Variants in SLC12A6 observed in about 807,000 individuals in gnomAD.
SLC12A6 encodes the protein K-Cl cotransporter 3.
A neutral mutation model predicts 135.3 loss-of-function variants in SLC12A6; 66 were observed. That is an observed-to-expected ratio of 0.49 (90% CI 0.40 to 0.60). The LOEUF (loss-of-function observed/expected upper bound fraction) is 0.60. Among genes scored for constraint, SLC12A6 ranks in the 20% least tolerant of loss-of-function variants. The pLI is 0.00. For missense variants in SLC12A6, 1,058 were observed against 1,452.3 expected (o/e 0.73, Z 4.41); for synonymous variants, 513 against 508.8 (o/e 1.01, Z -0.11).
At chr15:34,315,501 A>T (rs758259694) in intron 2 of SLC12A6, among the ~76,000 whole-genome samples, 3 of 152,148 alleles carry the variant, frequency 2.0e-5, no homozygotes, top group Non-Finnish European at 4.4e-5. Flanking sequence ...GCAGGAGGGG[A>T]GGATCGCTTG....
rs1226514998 is a variant in SLC12A6, at chr15:34,233,756, G to T, written c.*125C>A. On this transcript the variant is annotated 3_prime_UTR_variant, in exon 26 of 26. Coordinates refer to ENST00000354181, the MANE Select transcript of SLC12A6 (RefSeq NM_001365088.1). ...GTACTTGAGGCTCAGCTCATCAAGA[G>T]TTCAGTATGATGTGTACAGAACACA... is the stretch of plus-strand genomic sequence containing the variant. 5 of 715,102 alleles carry T rather than the reference G, an allele frequency of 7.0e-6. No individual in the cohort carries two copies. The highest frequency in any genetic ancestry group is 1.3e-5 in the Non-Finnish European group (5 of 383,406). 44.3% of individuals were successfully genotyped at this position (715,102 alleles called of 1,614,324 possible). A position where few individuals can be genotyped will look rare whatever the true frequency, so the allele number is the denominator to read the frequency against.
intron 2 of SLC12A6, among the ~76,000 whole-genome samples, chr15:34,293,255 A>G (rs111530095): frequency 3.9e-5 from 6 of 152,254 alleles, no homozygotes; most frequent in African/African-American, 1.4e-4. Context: ...AATGTAGTAA[A>G]AGTAATTCTA....
At chr15:34,330,342 T>C (rs1889753202) in intron 2 of SLC12A6, among the ~76,000 whole-genome samples, 1 of 152,204 alleles carries the variant, frequency 6.6e-6, no homozygotes, top group Non-Finnish European at 1.5e-5. Flanking sequence ...AAGTTTAATC[T>C]GGCTACAGAG....
intron 2 of SLC12A6, among the ~76,000 whole-genome samples, chr15:34,283,444 T>C (rs1374255816): frequency 6.6e-6 from 1 of 152,114 alleles, no homozygotes; most frequent in African/African-American, 2.4e-5. Flanking sequence ...AGGCTATTTT[T>C]TATTGGGTGG....
chr15:34,236,168 A>G lies in SLC12A6; in HGVS notation c.3074T>C (p.Leu1025Pro), dbSNP rs1439916112. ...AQLVKDRNSM[L>P]RLTSIGSDED... ...ATCAGAGCCAATGCTGGTCAATCGT[A>G]GCATTGAGTTTCGGTCTTTCACCAA... Residue 1025 changes from leucine (L) to proline (P), a missense_variant, in exon 24 of 26, where the codon CTA (leucine) becomes CCA (proline). Coordinates refer to ENST00000354181, the MANE Select transcript of SLC12A6 (RefSeq NM_001365088.1). The G allele has an allele frequency of 3.1e-6, 5 of 1,613,912 alleles. No homozygotes were observed. The highest frequency in any genetic ancestry group is 4.2e-6 in the Non-Finnish European group (5 of 1,179,902).
chr15:34,238,493 T>C, intron 20 of SLC12A6, 92 bp from the exon 21 acceptor site: 1 of 974,176 alleles, frequency 1.0e-6, no homozygotes, highest in East Asian at 2.5e-5. Flanking sequence ...CTTTTCACAC[T>C]TCTTTGAGCA....
intron 3 of SLC12A6, among the ~76,000 whole-genome samples, chr15:34,273,495 T>C (rs1396532906): frequency 6.6e-6 from 1 of 152,206 alleles, no homozygotes; most frequent in African/African-American, 2.4e-5. Flanking sequence ...TTTCAGCATA[T>C]AAACTCACTA....
intron 2 of SLC12A6, chr15:34,318,772 T>A: frequency 3.8e-6 from 6 of 1,589,184 alleles, no homozygotes; most frequent in Non-Finnish European, 5.1e-6. Context: ...CGTTTCAGAC[T>A]GTGATCCCTG....
chr15:34,275,253 G>T, intron 3 of SLC12A6, 92 bp downstream of exon 3: 1 of 720,182 alleles, frequency 1.4e-6, no homozygotes, highest in Non-Finnish European at 2.5e-6. Flanking sequence ...GGAGGGGATA[G>T]AAAATAGAAT....
chr15:34,260,464 C>G (rs1359396814), intron 4 of SLC12A6, among the ~76,000 whole-genome samples: 1 of 152,186 alleles, frequency 6.6e-6, no homozygotes, highest in African/African-American at 2.4e-5. Flanking sequence ...TTCACCGTGT[C>G]AGCCAGGATG....
At chr15:34,252,420 G>C in intron 9 of SLC12A6, 36 bp from the exon 10 acceptor site, 1 of 1,255,142 alleles carries the variant, frequency 8.0e-7, no homozygotes, top group Non-Finnish European at 1.2e-6. Context: ...GATCAAGTAA[G>C]GAAAAAAAGT....
Position 34,252,352 on chromosome 15 carries a change from G to A in SLC12A6, c.1151C>T (p.Ser384Leu). The A allele has an allele frequency of 2.5e-6, 4 of 1,612,252 alleles. No homozygotes were observed. Among genetic ancestry groups the A allele is most frequent in the South Asian group, 2.2e-5 (2 of 91,004 alleles). ...CTTAGAGCAAACGTCAATGTGTCTT[G>A]ATGAAAGGGTGCGGTTACCCAGCAT... ...VCMLGNRTLS[S>L]RHIDVCSKTK... The change falls in exon 10 of 26, where the codon TCA becomes TTA. Residue 384 changes from serine (S) to leucine (L), a missense_variant. By Grantham distance (145) the Ser-to-Leu change is moderately radical. Coordinates refer to ENST00000354181, the MANE Select transcript of SLC12A6 (RefSeq NM_001365088.1).
chr15:34,254,570 G>A lies in SLC12A6; in HGVS notation c.896C>T (p.Ala299Val). 6.2e-7 allele frequency: 1 copy of A among 1,608,178 alleles called. No homozygotes were observed. The highest frequency in any genetic ancestry group is 8.5e-7 in the Non-Finnish European group (1 of 1,174,578). The change falls in exon 9 of 26, where the codon GCT (alanine) becomes GTT (valine). Residue 299 changes from alanine to valine, a missense_variant. Transcript: ENST00000354181. The part of the protein sequence containing the change: ...EIFLVYIVPR[A>V]AIFHSDDALK... ...TGCGTCATCACTGTGAAAGATGGCA[G>A]CTCGGGGGACGATATAGACCTGTTA...
At chr15:34,319,498 C>G (rs1417452597) in intron 2 of SLC12A6, among the ~76,000 whole-genome samples, 3 of 152,038 alleles carry the variant, frequency 2.0e-5, no homozygotes. Flanking sequence ...ACTATATCAA[C>G]TTAAAATATG....
intron 2 of SLC12A6, among the ~76,000 whole-genome samples, chr15:34,317,540 T>C (rs1010563891): frequency 1.1e-4 from 16 of 152,096 alleles, no homozygotes; most frequent in African/African-American, 3.9e-4. Flanking sequence ...TTGTCTCTAC[T>C]AAAAATACAA....
rs1210282373 is a variant in SLC12A6 at position 34,236,080 on chromosome 15, G to A, written c.3162C>T (p.Tyr1054=). ...TCGCTTTTTGTCCCCGGGATGCCAT[G>A]TACTTGTCTTTTGTCCAAGTCATGT... The part of the protein sequence containing the change: ...KVHMTWTKDK[Y]MASRGQKAKS... The change falls in exon 24 of 26, where the codon TAC becomes TAT. Residue 1054 remains tyrosine, a synonymous_variant. Transcript: ENST00000354181. 6.2e-7 allele frequency: 1 copy of A among 1,613,946 alleles called. No individual in the cohort carries two copies. Among genetic ancestry groups the A allele is most frequent in the Admixed American group, 1.7e-5 (1 of 60,020 alleles).
intron 3 of SLC12A6, among the ~76,000 whole-genome samples, chr15:34,273,371 A>C (rs1321920009): frequency 6.6e-6 from 1 of 152,278 alleles, no homozygotes; most frequent in South Asian, 2.1e-4. Flanking sequence ...AAAACCAAAA[A>C]AACAAAAAAC....
chr15:34,239,596 T>C (rs1019242034), intron 19 of SLC12A6, among the ~76,000 whole-genome samples: 3 of 152,246 alleles, frequency 2.0e-5, no homozygotes, highest in African/African-American at 7.2e-5. Context: ...AGTTTCACTT[T>C]AGAATTTTCT....
chr15:34,274,865 T>C (rs747435115), intron 3 of SLC12A6, among the ~76,000 whole-genome samples: 5 of 152,062 alleles, frequency 3.3e-5, no homozygotes, highest in African/African-American at 9.7e-5. Flanking sequence ...AAAGAAGTGG[T>C]ACCCAGAGGA....
Sources: gnomAD v4.1 joint callset for allele counts (sites outside exome capture counted in the v4.1 genomes callset) on GRCh38, gnomAD v4.1.1 for gene constraint, MANE v1.5 for transcripts, NCBI Gene and HGNC (gene_info 2026-07-23, HGNC 2026-07-21) for gene names.